The following OSBPL1A variants were observed in gnomAD, a reference collection of about 807,000 sequenced individuals.
OSBPL1A encodes the protein oxysterol binding protein like 1A, also known as oxysterol-binding protein-related protein 1.
OSBPL1A carries 80 observed loss-of-function variants against 137.1 expected under a neutral mutation model. The ratio of observed to expected loss-of-function variants is 0.58; its 90% CI spans 0.49 to 0.70. OSBPL1A has a LOEUF of 0.70. OSBPL1A is among the 30% of genes least tolerant of loss of function. OSBPL1A has a pLI of 0.00. For synonymous variants in OSBPL1A, 365 were observed against 389.7 expected (o/e 0.94, Z 0.75); for missense variants, 970 against 1,129.4 (o/e 0.86, Z 2.02).
intron 18 of OSBPL1A, among the ~76,000 whole-genome samples, chr18:24,187,969 C>G (rs1185824959): frequency 2.6e-5 from 4 of 152,182 alleles, no homozygotes; most frequent in African/African-American, 9.7e-5. Flanking sequence ...TTCTCCATTT[C>G]CCTTTATTGT....
rs557990055 is a variant in OSBPL1A at position 24,306,032 on chromosome 18, A to G, written c.1093-2314T>C. Among the ~76,000 whole-genome samples the G allele has an allele frequency of 3.9e-5, 6 of 152,134 alleles. No individual in the cohort carries two copies. In the South Asian group the frequency reaches 8.3e-4, roughly 21 times the overall value. ...AGCATGAGAACGAACTAATACAGGG[A>G]CTCTTTTTAAGTTTTAATTTCTATT... is the stretch of plus-strand genomic sequence containing the variant. On this transcript the variant is annotated intron_variant, in intron 13 of 27. Transcript: ENST00000319481.
chr18:24,357,101 T>C (rs1189647904), intron 4 of OSBPL1A: 1 of 152,176 alleles, frequency 6.6e-6, no homozygotes, highest in African/African-American at 2.4e-5. Context: ...ACATTGTCAA[T>C]CAAGAAAAAT....
chr18:24,195,859 T>C, intron 18 of OSBPL1A: 2 of 419,278 alleles, frequency 4.8e-6, no homozygotes, highest in South Asian at 2.3e-5. Flanking sequence ...TATGGGGCAA[T>C]ATAAATGTGC....
intron 4 of OSBPL1A, among the ~76,000 whole-genome samples, chr18:24,346,516 T>C (rs1478558228): frequency 1.3e-5 from 2 of 152,170 alleles, no homozygotes; most frequent in African/African-American, 2.4e-5. Context: ...CTACTTTCAG[T>C]CTCTATGGAT....
rs955634223 is a variant in OSBPL1A at position 24,183,089 on chromosome 18, T to A, written c.1678-1810A>T. ...TTTCACCATGTTGGTCAGGCTGGTC[T>A]CGAACTCCTGACCTCAAGGGATCCG... On this transcript the variant is annotated intron_variant, in intron 18 of 27. Transcript: ENST00000319481. Among the ~76,000 whole-genome samples the A allele has an allele frequency of 2.0e-5, 3 of 152,070 alleles. 1 individual carries two copies. Among genetic ancestry groups the A allele is most frequent in the Non-Finnish European group, 4.4e-5 (3 of 67,996 alleles).
At chr18:24,353,739 T>A (rs2146175013) in intron 4 of OSBPL1A, among the ~76,000 whole-genome samples, 1 of 151,800 alleles carries the variant, frequency 6.6e-6, no homozygotes, top group Non-Finnish European at 1.5e-5. Context: ...TATGCAGCCA[T>A]AAAAAATGAT....
chr18:24,261,128 T>C (rs774115417), intron 15 of OSBPL1A, among the ~76,000 whole-genome samples: 1 of 152,136 alleles, frequency 6.6e-6, no homozygotes, highest in South Asian at 2.1e-4. Flanking sequence ...ATAACTATGC[T>C]GAGTTAAAGA....
At chr18:24,196,866 G>A (rs780440619) in intron 17 of OSBPL1A, among the ~76,000 whole-genome samples, 2 of 152,286 alleles carry the variant, frequency 1.3e-5, no homozygotes, top group South Asian at 2.1e-4. Flanking sequence ...GTAGGTGTTC[G>A]AAAGTAGCCA....
At chr18:24,387,869 A>G (rs1428505474) in intron 1 of OSBPL1A, among the ~76,000 whole-genome samples, 1 of 151,762 alleles carries the variant, frequency 6.6e-6, no homozygotes, top group Non-Finnish European at 1.5e-5. Flanking sequence ...CAGGTGTCCA[A>G]CATGACAGCC....
At chr18:24,188,681 T>A (rs1357659983) in intron 18 of OSBPL1A, among the ~76,000 whole-genome samples, 1 of 152,226 alleles carries the variant, frequency 6.6e-6, no homozygotes, top group Non-Finnish European at 1.5e-5. Flanking sequence ...GAGTGTAACA[T>A]GCTATTTTAA....
At chr18:24,314,169 C>T in intron 12 of OSBPL1A, 80 bp downstream of exon 12, 1 of 857,700 alleles carries the variant, frequency 1.2e-6, no homozygotes, top group Non-Finnish European at 1.8e-6. Context: ...TTGGATGTTA[C>T]CACTGAACCT....
Position 24,386,898 on chromosome 18 carries a change from A to C in OSBPL1A, c.-2-9363T>G, listed in dbSNP as rs201592981. Among the ~76,000 whole-genome samples the C allele has an allele frequency of 7.9e-5, 12 of 152,278 alleles. No individual in the cohort carries two copies. The East Asian group carries it at 2.3e-3, about 29-fold the overall frequency. On this transcript the variant is annotated intron_variant, in intron 1 of 27. Coordinates refer to ENST00000319481, the MANE Select transcript of OSBPL1A (RefSeq NM_080597.4). ...CTTAAGCCAGGGAGGTCAAAGCTAC[A>C]GTGAGCCATGATTACACCATTGCAC...
chr18:24,242,372 G>A (rs1395631990), intron 15 of OSBPL1A, among the ~76,000 whole-genome samples: 1 of 151,896 alleles, frequency 6.6e-6, no homozygotes, highest in African/African-American at 2.4e-5. Flanking sequence ...GAAAAGCACT[G>A]GATGGAGTGA....
At chr18:24,311,954 A>T (rs1481397179) in intron 13 of OSBPL1A, 30 bp downstream of exon 13, 5 of 1,612,720 alleles carry the variant, frequency 3.1e-6, no homozygotes, top group Non-Finnish European at 4.2e-6. Flanking sequence ...ATAGATAGCT[A>T]TAAAGGTCAG....
chr18:24,255,700 CAT>C (rs916610135), intron 15 of OSBPL1A, among the ~76,000 whole-genome samples: 1 of 151,968 alleles, frequency 6.6e-6, no homozygotes, highest in Non-Finnish European at 1.5e-5. Flanking sequence ...CCTTCAGACA[CAT>C]GTTGTCAGAA....
intron 1 of OSBPL1A, among the ~76,000 whole-genome samples, chr18:24,384,111 A>G (rs566969596): frequency 6.6e-6 from 1 of 152,268 alleles, no homozygotes; most frequent in African/African-American, 2.4e-5. Flanking sequence ...TTGAATAAGA[A>G]GTTCACCAAG....
chr18:24,339,503 A>C (rs1256646219), intron 5 of OSBPL1A, among the ~76,000 whole-genome samples: 2 of 152,208 alleles, frequency 1.3e-5, no homozygotes, highest in Non-Finnish European at 2.9e-5. Flanking sequence ...AAGTCAACTA[A>C]GCCCTTTTTC....
chr18:24,212,100 G>A (rs192007247), intron 17 of OSBPL1A, among the ~76,000 whole-genome samples: 65 of 149,910 alleles, frequency 4.3e-4, no homozygotes, highest in Non-Finnish European at 7.4e-4. Context: ...AGATAGTCTC[G>A]CTCTCTTGCC....
At chr18:24,220,386 C>T (rs1168133585) in intron 17 of OSBPL1A, among the ~76,000 whole-genome samples, 1 of 152,224 alleles carries the variant, frequency 6.6e-6, no homozygotes, top group Non-Finnish European at 1.5e-5. Flanking sequence ...AGCAGAGCTG[C>T]TTGTGCTTCT....
Sources: gnomAD v4.1 joint callset for allele counts (sites outside exome capture counted in the v4.1 genomes callset) on GRCh38, gnomAD v4.1.1 for gene constraint, MANE v1.5 for transcripts, NCBI Gene and HGNC (gene_info 2026-07-23, HGNC 2026-07-21) for gene names.